Variants in BMERB1 observed in about 807,000 individuals in gnomAD.
BMERB1 encodes the protein bMERB domain-containing protein 1.
In BMERB1, 12 loss-of-function variants were observed where a neutral mutation model predicts 23.6. The ratio of observed to expected loss-of-function variants is 0.51; its 90% confidence interval spans 0.33 to 0.82. BMERB1 has a LOEUF of 0.82. Ranked by LOEUF, BMERB1 falls within the 40% of genes least tolerant of loss-of-function variation. The probability of loss-of-function intolerance (pLI) is 0.03; values close to 1 mark genes in which losing one functional copy is unlikely to be tolerated. For missense variants in BMERB1, 247 were observed against 255.4 expected (o/e 0.97, Z 0.22); for synonymous variants, 122 against 96.6 (o/e 1.26, Z -1.54).
intron 2 of BMERB1, among the ~76,000 whole-genome samples, chr16:15,544,860 A>G (rs1046519164): frequency 6.6e-6 from 1 of 152,186 alleles, no homozygotes; most frequent in Non-Finnish European, 1.5e-5. Context: ...TTAGGAAGAC[A>G]CTCTATCAGA....
chr16:15,537,514 T>C (rs1376435812), intron 2 of BMERB1, among the ~76,000 whole-genome samples: 1 of 151,808 alleles, frequency 6.6e-6, no homozygotes, highest in Non-Finnish European at 1.5e-5. Context: ...CCACCATGCC[T>C]GGCTAATTTT....
intron 1 of BMERB1, among the ~76,000 whole-genome samples, chr16:15,435,141 T>C (rs1288595605): frequency 1.3e-5 from 2 of 152,208 alleles, no homozygotes; most frequent in Non-Finnish European, 2.9e-5. Flanking sequence ...CGCGGGACCG[T>C]CCTGGAAAGC....
At chr16:15,474,366 TTTTA>T (rs1243673924) in intron 1 of BMERB1, among the ~76,000 whole-genome samples, 3 of 152,060 alleles carry the variant, frequency 2.0e-5, no homozygotes, top group Admixed American at 6.6e-5. Context: ...ACAAATTAAT[TTTTA>T]TTTATTTATT....
intron 2 of BMERB1, among the ~76,000 whole-genome samples, chr16:15,526,021 T>C (rs1327330813): frequency 2.0e-5 from 3 of 152,190 alleles, no homozygotes; most frequent in Admixed American, 1.3e-4. Flanking sequence ...GCTATTTCAG[T>C]TTAAATTAAT....
chr16:15,526,053 A>G (rs1476640915), intron 2 of BMERB1, among the ~76,000 whole-genome samples: 3 of 152,198 alleles, frequency 2.0e-5, no homozygotes, highest in Non-Finnish European at 4.4e-5. Context: ...AGCATGTAAA[A>G]TTCAGTCTCT....
intron 1 of BMERB1, among the ~76,000 whole-genome samples, chr16:15,453,780 T>C (rs941434998): frequency 2.0e-5 from 3 of 150,298 alleles, no homozygotes; most frequent in Non-Finnish European, 3.0e-5. Context: ...AGGCTGAGGC[T>C]GAAGAATCAC....
At chr16:15,461,452 C>T (rs2051135063) in intron 1 of BMERB1, among the ~76,000 whole-genome samples, 1 of 152,168 alleles carries the variant, frequency 6.6e-6, no homozygotes, top group Non-Finnish European at 1.5e-5. Flanking sequence ...CCTCCACTCA[C>T]CTCTCAGAAC....
At chr16:15,521,277 T>G (rs1168485621) in intron 2 of BMERB1, among the ~76,000 whole-genome samples, 2 of 152,204 alleles carry the variant, frequency 1.3e-5, no homozygotes, top group African/African-American at 4.8e-5. Context: ...ACTGTTTATT[T>G]CAGAGACCAA....
intron 1 of BMERB1, among the ~76,000 whole-genome samples, chr16:15,482,036 T>A (rs1234345649): frequency 6.6e-6 from 1 of 151,986 alleles, no homozygotes. Flanking sequence ...TGGCCTGCTG[T>A]GTAATTCTAA....
chr16:15,499,250 TAGTC>T (rs1326411107), intron 1 of BMERB1, among the ~76,000 whole-genome samples: 6 of 151,880 alleles, frequency 4.0e-5, no homozygotes, highest in Non-Finnish European at 8.8e-5. Flanking sequence ...ATACAAAAGT[TAGTC>T]AGGCGAAGTG....
At chr16:15,533,183 G>C in intron 2 of BMERB1, 1 of 326,650 alleles carries the variant, frequency 3.1e-6, no homozygotes, top group Non-Finnish European at 6.0e-6. Context: ...GGAAGAAATT[G>C]AGTTTGGAAA....
rs139264038 is a variant in BMERB1, at chr16:15,481,611, T to G, written c.107-33694T>G. On this transcript the variant is annotated intron_variant, in intron 1 of 5. Transcript: ENST00000300006. ...AAGAGGAGTGGGATTGGAAGAGAGA[T>G]GTCAAGGGAACTCTTTTCTTTCCTT... 5.7e-3 allele frequency among the ~76,000 whole-genome samples: 869 copies of G among 152,182 alleles called. 6 individuals are homozygous for G. The highest frequency in any genetic ancestry group is 0.014 in the Middle Eastern group (4 of 294).
At chr16:15,462,677 A>G (rs1010695345) in intron 1 of BMERB1, among the ~76,000 whole-genome samples, 15 of 152,312 alleles carry the variant, frequency 9.8e-5, no homozygotes, top group African/African-American at 3.4e-4. Context: ...AGAGCGTTCA[A>G]GAGTCTGAGA....
intron 1 of BMERB1, among the ~76,000 whole-genome samples, chr16:15,484,887 A>G (rs1052561451): frequency 1.3e-5 from 2 of 152,196 alleles, no homozygotes; most frequent in African/African-American, 4.8e-5. Context: ...CACAGTAGTC[A>G]CTGTACTTCA....
intron 1 of BMERB1, among the ~76,000 whole-genome samples, chr16:15,452,693 G>A (rs972842054): frequency 2.4e-4 from 36 of 152,150 alleles, no homozygotes; most frequent in Non-Finnish European, 4.7e-4. Context: ...ACTGCTGCTC[G>A]CGGGCAAGGG....
intron 5 of BMERB1, chr16:15,584,007 G>A (rs1003039485): frequency 1.1e-5 from 8 of 702,306 alleles, no homozygotes; most frequent in Non-Finnish European, 2.1e-5. Context: ...CCTCTCTTAG[G>A]TCTGGAATCT....
intron 4 of BMERB1, among the ~76,000 whole-genome samples, chr16:15,581,566 G>A (rs2150977593): frequency 6.6e-6 from 1 of 152,316 alleles, no homozygotes; most frequent in Admixed American, 6.5e-5. Context: ...TCCAGGAAGT[G>A]ACCAGGGAGG....
intron 1 of BMERB1, among the ~76,000 whole-genome samples, chr16:15,489,062 G>T (rs573388478): frequency 1.3e-5 from 2 of 152,210 alleles, no homozygotes; most frequent in South Asian, 4.2e-4. Context: ...CCCCAGGGGG[G>T]TTCACAGCAA....
intron 1 of BMERB1, among the ~76,000 whole-genome samples, chr16:15,512,496 G>T (rs965397969): frequency 6.6e-6 from 1 of 152,012 alleles, no homozygotes; most frequent in Non-Finnish European, 1.5e-5. Context: ...AGTAATCCCA[G>T]CATTTTGGGA....
Sources: gnomAD v4.1 joint callset for allele counts (sites outside exome capture counted in the v4.1 genomes callset) on GRCh38, gnomAD v4.1.1 for gene constraint, MANE v1.5 for transcripts, NCBI Gene and HGNC (gene_info 2026-07-23, HGNC 2026-07-21) for gene names.